The following AGBL4 variants were observed in gnomAD, a reference collection of about 807,000 sequenced individuals.
AGBL4 encodes AGBL carboxypeptidase 4, also known as cytosolic carboxypeptidase 6.
Under a neutral mutation model 66.4 loss-of-function variants are expected in AGBL4, and 58 were observed. That is an observed-to-expected ratio of 0.87 (90% CI 0.71 to 1.09). The LOEUF (loss-of-function observed/expected upper bound fraction) is 1.09. AGBL4 is among the 50% of genes least tolerant of loss of function. The probability of loss-of-function intolerance (pLI) is 0.00; values close to 1 mark genes in which losing one functional copy is unlikely to be tolerated. For synonymous variants in AGBL4, 234 were observed against 222.9 expected, an observed-to-expected ratio of 1.05 and a Z score of -0.44; for missense variants, 579 against 631.0, an observed-to-expected ratio of 0.92 and a Z score of 0.88.
Position 49,259,961 on chromosome 1 carries a change from C to A in AGBL4, c.283-14097G>T, listed in dbSNP as rs1381353297. 2.0e-5 allele frequency among the ~76,000 whole-genome samples: 3 copies of A among 148,878 alleles called. No individual in the cohort carries two copies. The Admixed American group carries it at 2.0e-4, about 10-fold the overall frequency. ...ACAGAGATTATAACAAACTGTCTCT[C>A]AGACCACAGTGCAATCAAACTAGAA... On this transcript the variant is annotated intron_variant, in intron 3 of 13. Coordinates refer to ENST00000371839, the MANE Select transcript of AGBL4 (RefSeq NM_032785.4).
At chr1:48,803,521 C>T (rs970348264) in intron 6 of AGBL4, among the ~76,000 whole-genome samples, 5 of 152,054 alleles carry the variant, frequency 3.3e-5, no homozygotes, top group Non-Finnish European at 7.4e-5. Context: ...ATAATAAATC[C>T]CTCTGTAAAG....
At chr1:48,849,274 C>A (rs1245221219) in intron 6 of AGBL4, among the ~76,000 whole-genome samples, 1 of 152,096 alleles carries the variant, frequency 6.6e-6, no homozygotes, top group East Asian at 1.9e-4. Context: ...TTATTTTTTT[C>A]AAACCTAAAG....
chr1:48,649,428 A>G (rs1645891645), intron 8 of AGBL4, among the ~76,000 whole-genome samples: 1 of 152,246 alleles, frequency 6.6e-6, no homozygotes, highest in South Asian at 2.1e-4. Flanking sequence ...TTGTTATATC[A>G]TCCAACATAA....
chr1:49,433,729 C>T (rs1645838729), intron 3 of AGBL4, among the ~76,000 whole-genome samples: 1 of 151,960 alleles, frequency 6.6e-6, no homozygotes, highest in Admixed American at 6.6e-5. Flanking sequence ...TTGCTTGCAG[C>T]CAGTTATTTG....
intron 4 of AGBL4, among the ~76,000 whole-genome samples, chr1:49,088,764 T>G (rs1644951502): frequency 6.6e-6 from 1 of 152,040 alleles, no homozygotes. Flanking sequence ...AACAGACACC[T>G]ACAGAACTTT....
At chr1:49,373,650 G>A (rs1553190973) in intron 3 of AGBL4, among the ~76,000 whole-genome samples, 1 of 151,964 alleles carries the variant, frequency 6.6e-6, no homozygotes. Context: ...ATTTTATGGA[G>A]AAAAAAATTG....
chr1:50,022,277 A>G (rs1662499470), intron 1 of AGBL4, among the ~76,000 whole-genome samples: 1 of 152,190 alleles, frequency 6.6e-6, no homozygotes, highest in Admixed American at 6.5e-5. Flanking sequence ...ATTAAATAGT[A>G]TGTTCAAAGG....
chr1:49,648,522 AC>A (rs1645936822), intron 3 of AGBL4, among the ~76,000 whole-genome samples: 1 of 152,106 alleles, frequency 6.6e-6, no homozygotes, highest in Non-Finnish European at 1.5e-5. Context: ...GGCTCACAGA[AC>A]ACCAAGCAGG....
chr1:49,584,384 A>G (rs1644606984), intron 3 of AGBL4, among the ~76,000 whole-genome samples: 1 of 152,196 alleles, frequency 6.6e-6, no homozygotes, highest in Non-Finnish European at 1.5e-5. Flanking sequence ...CTGTCAATAT[A>G]ATGTAATTTT....
At chr1:49,149,027 A>T (rs144911876) in intron 4 of AGBL4, among the ~76,000 whole-genome samples, 9 of 152,304 alleles carry the variant, frequency 5.9e-5, no homozygotes, top group African/African-American at 2.2e-4. Flanking sequence ...ATAGTCCACC[A>T]CTGACCTCTG....
intron 9 of AGBL4, among the ~76,000 whole-genome samples, chr1:48,620,419 G>T (rs927512210): frequency 3.9e-5 from 6 of 152,072 alleles, no homozygotes; most frequent in African/African-American, 1.4e-4. Flanking sequence ...TAGGACTACA[G>T]GTGCGCACCA....
intron 6 of AGBL4, among the ~76,000 whole-genome samples, chr1:48,704,622 C>A (rs988811725): frequency 6.6e-6 from 1 of 152,048 alleles, no homozygotes; most frequent in Admixed American, 6.5e-5. Context: ...ACACATTAGC[C>A]TAGGCCCACG....
chr1:49,518,023 A>G (rs1649968568), intron 3 of AGBL4, among the ~76,000 whole-genome samples: 1 of 152,054 alleles, frequency 6.6e-6, no homozygotes, highest in Non-Finnish European at 1.5e-5. Context: ...CTTGGTGCCT[A>G]TCATTTGCCA....
At position 49,832,718 on chromosome 1, in the gene AGBL4, G is replaced by A. The variant is rs1645726543; in HGVS notation, c.157+18678C>T. On this transcript the variant is annotated intron_variant, in intron 2 of 13. Coordinates refer to ENST00000371839, the MANE Select transcript of AGBL4 (RefSeq NM_032785.4). ...CTGGTGTGAGATGGTATCTCATTGT[G>A]GTTTTGATTTGCATTTCTCTGATAG... Among the ~76,000 whole-genome samples, 14 of 152,164 alleles carry A rather than the reference G, an allele frequency of 9.2e-5. No individual in the cohort carries two copies. In the South Asian group the frequency reaches 2.9e-3, roughly 32 times the overall value.
intron 6 of AGBL4, among the ~76,000 whole-genome samples, chr1:48,717,340 T>C (rs1050225815): frequency 2.6e-5 from 4 of 152,262 alleles, no homozygotes; most frequent in African/African-American, 9.6e-5. Context: ...AAACAATCCA[T>C]AATAGGTTTT....
At chr1:49,168,143 A>C (rs1204911073) in intron 4 of AGBL4, among the ~76,000 whole-genome samples, 1 of 152,144 alleles carries the variant, frequency 6.6e-6, no homozygotes, top group Non-Finnish European at 1.5e-5. Flanking sequence ...ACGAATACCT[A>C]AGAACACTAA....
intron 11 of AGBL4, among the ~76,000 whole-genome samples, chr1:48,560,600 C>T (rs2148297169): frequency 1.3e-5 from 2 of 152,288 alleles, no homozygotes; most frequent in East Asian, 3.9e-4. Flanking sequence ...ACTTGGTACC[C>T]AGGGATATAC....
chr1:48,990,485 C>T (rs1028150634), intron 5 of AGBL4, among the ~76,000 whole-genome samples: 1 of 151,964 alleles, frequency 6.6e-6, no homozygotes, highest in African/African-American at 2.4e-5. Context: ...GGAGAGGTTC[C>T]CCAATATTTT....
intron 6 of AGBL4, among the ~76,000 whole-genome samples, chr1:48,760,528 G>A (rs189975322): frequency 8.1e-4 from 123 of 151,992 alleles, no homozygotes; most frequent in African/African-American, 2.8e-3. Flanking sequence ...TAAAGTGATC[G>A]TTACAATATG....
Sources: gnomAD v4.1 joint callset for allele counts (sites outside exome capture counted in the v4.1 genomes callset) on GRCh38, gnomAD v4.1.1 for gene constraint, MANE v1.5 for transcripts, NCBI Gene and HGNC (gene_info 2026-07-23, HGNC 2026-07-21) for gene names.